Variants in PARD3B observed in about 807,000 individuals in gnomAD.
PARD3B encodes par-3 family cell polarity regulator beta.
A neutral mutation model predicts 130.2 loss-of-function variants in PARD3B; 103 were observed. That is an observed-to-expected ratio of 0.79 (90% CI 0.67 to 0.93). The LOEUF is 0.93. Ranked by LOEUF, PARD3B falls within the 40% of genes least tolerant of loss-of-function variation. The pLI, the probability that PARD3B is intolerant of heterozygous loss-of-function variation, is 0.00. For missense variants in PARD3B, 1,609 were observed against 1,499.2 expected, an observed-to-expected ratio of 1.07 and a Z score of -1.21; for synonymous variants, 583 against 553.2, an observed-to-expected ratio of 1.05 and a Z score of -0.76.
In PARD3B at chr2:205,568,519, G is replaced by T. The variant is rs530238757; in HGVS notation, c.3260+15116G>T. Among the ~76,000 whole-genome samples the T allele has an allele frequency of 2.0e-5, 3 of 152,298 alleles. No homozygotes were observed. The East Asian group carries it at 5.8e-4, about 29-fold the overall frequency. On this transcript the variant is annotated intron_variant, in intron 22 of 22. Transcript: ENST00000406610. This position sits in a 1 kb window ranked among gnomAD's most constrained non-coding sequence, Gnocchi z 5.3. ...AGCAGCACCTCTGGGACACTCCTGG[G>T]ATTAGGAAAGCCTCTGGAAAAATTA...
intron 1 of PARD3B, among the ~76,000 whole-genome samples, chr2:204,590,297 C>A (rs1277198467): frequency 6.6e-6 from 1 of 152,272 alleles, no homozygotes; most frequent in East Asian, 1.9e-4. Flanking sequence ...GACTTAATTA[C>A]CTTCCCAACG....
intron 10 of PARD3B, among the ~76,000 whole-genome samples, chr2:205,132,189 C>A (rs1028001321): frequency 1.3e-5 from 2 of 152,086 alleles, no homozygotes; most frequent in African/African-American, 4.8e-5. Flanking sequence ...GATTTTCCCA[C>A]CTGTTAAGAA....
intron 2 of PARD3B, among the ~76,000 whole-genome samples, chr2:204,896,728 A>T (rs2046654796): frequency 6.6e-6 from 1 of 152,200 alleles, no homozygotes; most frequent in African/African-American, 2.4e-5. Context: ...TTAGAAAGGG[A>T]GTGGACAATA....
At chr2:204,966,153 AAATGGTTAG>A (rs1392415152) in intron 3 of PARD3B, among the ~76,000 whole-genome samples, 23 of 152,352 alleles carry the variant, frequency 1.5e-4, no homozygotes, top group African/African-American at 5.3e-4. Context: ...CATATGCTTA[AAATGGTTAG>A]AATCGTACAT....
chr2:204,592,984 T>G (rs1362527866), intron 1 of PARD3B, among the ~76,000 whole-genome samples: 1 of 152,246 alleles, frequency 6.6e-6, no homozygotes, highest in Non-Finnish European at 1.5e-5. Context: ...GCTGAATAAA[T>G]TCTATTGTAT....
chr2:205,008,608 T>A (rs1456846520), intron 3 of PARD3B, among the ~76,000 whole-genome samples: 1 of 152,202 alleles, frequency 6.6e-6, no homozygotes, highest in Non-Finnish European at 1.5e-5. Context: ...TTCAGCTTTA[T>A]GTATCTCTAG....
rs936722155 is a variant in PARD3B at position 204,887,946 on chromosome 2, G to T, written c.223-77206G>T. On this transcript the variant is annotated intron_variant, in intron 2 of 22. Transcript: ENST00000406610. The surrounding 1 kb of genome is among the most constrained non-coding windows in gnomAD (Gnocchi z 4.2). ...GGAGGTGAAATTTGAGCTGATTCTT[G>T]AGGAATGTATGAGAACTGTTAAGAC... Among the ~76,000 whole-genome samples the T allele has an allele frequency of 6.6e-6, 1 of 152,106 alleles. No individual in the cohort carries two copies. The highest frequency in any genetic ancestry group is 2.1e-4 in the South Asian group (1 of 4,830).
intron 1 of PARD3B, among the ~76,000 whole-genome samples, chr2:204,576,052 C>T (rs1346931954): frequency 1.3e-5 from 2 of 152,008 alleles, no homozygotes; most frequent in Admixed American, 1.3e-4. Context: ...CTTCTGGGGA[C>T]CCACTTCCCC....
intron 16 of PARD3B, among the ~76,000 whole-genome samples, chr2:205,297,031 G>C (rs1371478300): frequency 1.3e-5 from 2 of 151,928 alleles, no homozygotes; most frequent in East Asian, 3.9e-4. Flanking sequence ...TGTGTCATCT[G>C]TTTCATGAAT....
Position 205,554,084 on chromosome 2 carries a change from A to G in PARD3B, c.3260+681A>G, listed in dbSNP as rs577074477. ...TATCAGTAGCACATGACAAAGAAAC[A>G]GCTTTTCCAAGAGTACATGCAGTCC... On this transcript the variant is annotated intron_variant, in intron 22 of 22. Transcript: ENST00000406610. Among the ~76,000 whole-genome samples, 8 of 152,352 alleles carry G rather than the reference A, an allele frequency of 5.3e-5. 1 individual carries two copies. The South Asian group carries it at 1.4e-3, about 28-fold the overall frequency.
chr2:204,716,023 T>TA (rs2038703974), intron 2 of PARD3B, among the ~76,000 whole-genome samples: 1 of 152,190 alleles, frequency 6.6e-6, no homozygotes, highest in Non-Finnish European at 1.5e-5. Flanking sequence ...AGAAAACTCT[T>TA]ACGCATGCTG....
rs1206215478 is a variant in PARD3B, at chr2:205,463,662, A to G, written c.3044+22990A>G. On this transcript the variant is annotated intron_variant, in intron 20 of 22. Coordinates refer to ENST00000406610, the MANE Select transcript of PARD3B (RefSeq NM_001302769.2). This position sits in a 1 kb window ranked among gnomAD's most constrained non-coding sequence, Gnocchi z 4.8. ...ATGAATGGTTAATGGCTGAAGATTA[A>G]TTAAACAGTCAGAGTTGCTGAAGAA... Among the ~76,000 whole-genome samples the G allele has an allele frequency of 6.6e-6, 1 of 152,236 alleles. No homozygotes were observed. Among genetic ancestry groups the G allele is most frequent in the African/African-American group, 2.4e-5 (1 of 41,466 alleles).
intron 4 of PARD3B, among the ~76,000 whole-genome samples, chr2:205,074,321 T>A (rs1231994247): frequency 6.6e-6 from 1 of 152,210 alleles, no homozygotes; most frequent in Non-Finnish European, 1.5e-5. Context: ...ATATCTTATG[T>A]AATATATTTG....
chr2:205,301,735 C>T lies in PARD3B; in HGVS notation c.2630+34C>T. On this transcript the variant is annotated intron_variant, in intron 18 of 22. Coordinates refer to ENST00000406610, the MANE Select transcript of PARD3B (RefSeq NM_001302769.2). The surrounding 1 kb of genome is among the most constrained non-coding windows in gnomAD (Gnocchi z 5.2). ...CTGCTTTGAAGGCAAAGTTGGTTCT[C>T]ATTTTGTCTCTCCTGGTAAAATCAC... The T allele has an allele frequency of 6.2e-7, 1 of 1,613,888 alleles. No homozygotes were observed. The highest frequency in any genetic ancestry group is 8.5e-7 in the Non-Finnish European group (1 of 1,179,842).
chr2:205,607,703 A>G (rs2055052375), intron 22 of PARD3B, among the ~76,000 whole-genome samples: 1 of 152,158 alleles, frequency 6.6e-6, no homozygotes, highest in African/African-American at 2.4e-5. Flanking sequence ...GAGCCCATCA[A>G]GTAGAGTGGC....
At chr2:205,161,138 A>G (rs980902797) in intron 11 of PARD3B, among the ~76,000 whole-genome samples, 3 of 152,196 alleles carry the variant, frequency 2.0e-5, no homozygotes, top group African/African-American at 7.2e-5. Flanking sequence ...TTCGGAAATT[A>G]AAAGCAAACA....
chr2:205,121,840 T>C lies in PARD3B; in HGVS notation c.1056T>C (p.Ser352=). ...DASASLQQNK[S]PRVPRLGGKP... ...CAGCTTCCCTGCAACAAAACAAGAG[T>C]CCCCGAGTACCAAGGCTGGGAGGAA... The change falls in exon 8 of 23, where the codon AGT becomes AGC. Residue 352 remains serine (S), a synonymous_variant. Transcript: ENST00000406610. The surrounding 1 kb of genome is among the most constrained non-coding windows in gnomAD (Gnocchi z 5.0). 6.2e-7 allele frequency: 1 copy of C among 1,613,642 alleles called. No homozygotes were observed. The highest frequency in any genetic ancestry group is 8.5e-7 in the Non-Finnish European group (1 of 1,179,910).
chr2:205,291,436 A>T lies in PARD3B; in HGVS notation c.2186-9094A>T, dbSNP rs901330313. Among the ~76,000 whole-genome samples the T allele has an allele frequency of 7.9e-5, 12 of 152,212 alleles. No homozygotes were observed. The highest frequency in any genetic ancestry group is 6.5e-4 in the Admixed American group (10 of 15,274). ...GATGGAAATGAGGAACATGTTATTC[A>T]CGGAAACTGGAGAAAAGACCATCCT... On this transcript the variant is annotated intron_variant, in intron 16 of 22. Coordinates refer to ENST00000406610, the MANE Select transcript of PARD3B (RefSeq NM_001302769.2). This position sits in a 1 kb window ranked among gnomAD's most constrained non-coding sequence, Gnocchi z 4.6.
At chr2:204,589,608 G>A (rs754321766) in intron 1 of PARD3B, among the ~76,000 whole-genome samples, 3 of 152,106 alleles carry the variant, frequency 2.0e-5, no homozygotes, top group Non-Finnish European at 4.4e-5. Flanking sequence ...GAGGTTCTAG[G>A]CACTGAGAGC....
Sources: gnomAD v4.1 joint callset for allele counts (sites outside exome capture counted in the v4.1 genomes callset) on GRCh38, gnomAD v4.1.1 for gene constraint, Gnocchi (gnomAD v3.1) non-coding constraint, MANE v1.5 for transcripts, NCBI Gene and HGNC (gene_info 2026-07-23, HGNC 2026-07-21) for gene names.